Variants in RBM26 observed in about 807,000 individuals in gnomAD.
RBM26 encodes the protein RNA binding motif protein 26.
In RBM26, 30 loss-of-function variants were observed where a neutral mutation model predicts 123.6. The ratio of observed to expected loss-of-function variants is 0.24; its 90% CI spans 0.18 to 0.33. The LOEUF is 0.33. Ranked by LOEUF, RBM26 falls within the 10% of genes least tolerant of loss-of-function variation. RBM26 has a pLI of 1.00. For missense variants in RBM26, 947 were observed against 1,203.6 expected, an observed-to-expected ratio of 0.79 and a Z score of 3.15; for synonymous variants, 400 against 404.4, an observed-to-expected ratio of 0.99 and a Z score of 0.13.
At chr13:79,347,235 G>T (rs564377140) in intron 14 of RBM26, among the ~76,000 whole-genome samples, 84 of 151,604 alleles carry the variant, frequency 5.5e-4, no homozygotes, top group African/African-American at 2.0e-3. Context: ...CCACGAATGT[G>T]ACTCACTAAG....
At chr13:79,395,458 G>T (rs530911546) in intron 1 of RBM26, among the ~76,000 whole-genome samples, 1 of 152,242 alleles carries the variant, frequency 6.6e-6, no homozygotes, top group East Asian at 1.9e-4. Flanking sequence ...TAGTGAACTT[G>T]AAAACAGGAA....
intron 1 of RBM26, among the ~76,000 whole-genome samples, chr13:79,395,959 C>T (rs112930428): frequency 3.2e-4 from 48 of 151,992 alleles, no homozygotes; most frequent in African/African-American, 1.1e-3. Context: ...TTTCCAAAAC[C>T]GATGAAAGAC....
At chr13:79,345,827 C>A (rs967225341) in intron 14 of RBM26, among the ~76,000 whole-genome samples, 8 of 152,038 alleles carry the variant, frequency 5.3e-5, no homozygotes, top group African/African-American at 1.9e-4. Flanking sequence ...GAGTGGACAA[C>A]CTTTTCTATA....
rs745441016 is a variant in RBM26 at position 79,378,140 on chromosome 13, T to C, written c.191-625A>G. Among the ~76,000 whole-genome samples, 32 of 152,258 alleles carry C rather than the reference T, an allele frequency of 2.1e-4. 1 individual carries two copies. Among genetic ancestry groups the C allele is most frequent in the East Asian group, 5.8e-4 (3 of 5,180 alleles). On this transcript the variant is annotated intron_variant, in intron 2 of 21. Transcript: ENST00000438737. ...AGTGTTGCAAACACAAACACTATCATAATCTAGATGTGGCAAGGTACAAAA... is the reference window on the plus strand; with the variant it reads ...AGTGTTGCAAACACAAACACTATCACAATCTAGATGTGGCAAGGTACAAAA...
downstream of RBM26, among the ~76,000 whole-genome samples, chr13:79,317,585 G>A (rs192559002): frequency 1.3e-5 from 2 of 151,662 alleles, no homozygotes; most frequent in African/African-American, 4.8e-5. Flanking sequence ...GACTAGACTG[G>A]TGGCTCTTAG....
Position 79,337,131 on chromosome 13 carries a change from C to A in RBM26, c.2704G>T (p.Asp902Tyr). 6.2e-7 allele frequency: 1 copy of A among 1,614,020 alleles called. No homozygotes were observed. Among genetic ancestry groups the A allele is most frequent in the Non-Finnish European group, 8.5e-7 (1 of 1,179,988 alleles). The change falls in exon 19 of 22, where the codon GAT (aspartate) becomes TAT (tyrosine). Residue 902 changes from aspartate to tyrosine, a missense_variant. Physicochemically the swap from Asp to Tyr is radical, Grantham distance 160. Coordinates refer to ENST00000438737, the MANE Select transcript of RBM26 (RefSeq NM_001366735.2). ...AAATGAGGAAGAAGATCTTCTCTAT[C>A]GCTCTCCGTAAATGCAGAAATCTCC... ...ALEISAFTESDREDLLPHFAQ... is the reference protein window; with the variant it reads ...ALEISAFTESYREDLLPHFAQ...
At chr13:79,366,993 A>T in intron 6 of RBM26, 121 bp from the exon 7 acceptor site, 1 of 816,878 alleles carries the variant, frequency 1.2e-6, no homozygotes, top group Non-Finnish European at 1.8e-6. Flanking sequence ...CAAAAGTATA[A>T]TTAACCATTT....
intron 9 of RBM26, among the ~76,000 whole-genome samples, chr13:79,361,413 T>C (rs1264718609): frequency 6.6e-6 from 1 of 152,122 alleles, no homozygotes; most frequent in Non-Finnish European, 1.5e-5. Context: ...AGCAACAACA[T>C]CTCTCTCCAT....
chr13:79,393,195 A>C (rs146551823), intron 1 of RBM26, among the ~76,000 whole-genome samples: 1 of 152,330 alleles, frequency 6.6e-6, no homozygotes, highest in South Asian at 2.1e-4. Flanking sequence ...TGGGTGGGTT[A>C]CCATTCAAAA....
At chr13:79,358,138 C>T (rs2074255310) in intron 11 of RBM26, 136 bp downstream of exon 11, 3 of 700,256 alleles carry the variant, frequency 4.3e-6, no homozygotes, top group South Asian at 5.4e-5. Context: ...CCGCCTTGGC[C>T]TCCCAAAGTG....
At chr13:79,317,585 G>C (rs192559002), downstream of RBM26, among the ~76,000 whole-genome samples, 112 of 151,780 alleles carry the variant, frequency 7.4e-4, no homozygotes, top group African/African-American at 2.2e-3. Flanking sequence ...GACTAGACTG[G>C]TGGCTCTTAG....
chr13:79,360,602 C>A (rs921528546), intron 9 of RBM26, among the ~76,000 whole-genome samples: 2 of 151,884 alleles, frequency 1.3e-5, no homozygotes, highest in Admixed American at 6.6e-5. Flanking sequence ...TTACACTAAT[C>A]CAATAATCTT....
chr13:79,397,491 C>T (rs1287822209), intron 1 of RBM26, among the ~76,000 whole-genome samples: 1 of 150,698 alleles, frequency 6.6e-6, no homozygotes, highest in Non-Finnish European at 1.5e-5. Context: ...CTGGCTAACA[C>T]GATGAAACCC....
chr13:79,340,816 TTATTA>T (rs1246600337), intron 18 of RBM26, among the ~76,000 whole-genome samples: 1 of 151,934 alleles, frequency 6.6e-6, no homozygotes, highest in African/African-American at 2.4e-5. Context: ...TGAAAAGACT[TTATTA>T]TAAGTTTTCT....
intron 1 of RBM26, among the ~76,000 whole-genome samples, chr13:79,400,984 G>T (rs532528699): frequency 6.6e-6 from 1 of 152,214 alleles, no homozygotes; most frequent in East Asian, 1.9e-4. Flanking sequence ...GACTAGAAGC[G>T]TTTTATCTTT....
At chr13:79,348,543 A>G (rs1198306025) in intron 14 of RBM26, among the ~76,000 whole-genome samples, 1 of 152,164 alleles carries the variant, frequency 6.6e-6, no homozygotes, top group East Asian at 1.9e-4. Context: ...AAATACAAAT[A>G]TAGTTATGAT....
At chr13:79,380,246 A>G (rs1290338232) in intron 1 of RBM26, among the ~76,000 whole-genome samples, 1 of 152,172 alleles carries the variant, frequency 6.6e-6, no homozygotes. Flanking sequence ...ACACAAAAGA[A>G]TGACATGTAG....
Position 79,370,979 on chromosome 13 carries a change from G to A in RBM26, c.600C>T (p.Ser200=), listed in dbSNP as rs1248386118. ...ERLRERDRDR[S]RTRSRSRTRS... is the part of the protein sequence containing the mutation. ...GTGTTCTGCTTCTGCTTCTAGTCCT[G>A]CTTCTATCTCTGTCCCTCTCACGAA... Residue 200 remains serine (S), a synonymous_variant, in exon 5 of 22, where the codon AGC becomes AGT. Transcript: ENST00000438737. The A allele has an allele frequency of 6.3e-7, 1 of 1,592,178 alleles. No homozygotes were observed. Among genetic ancestry groups the A allele is most frequent in the East Asian group, 2.2e-5 (1 of 44,760 alleles).
intron 17 of RBM26, 61 bp from the exon 18 acceptor site, chr13:79,341,288 C>T: frequency 1.9e-6 from 2 of 1,073,574 alleles, no homozygotes; most frequent in Non-Finnish European, 2.7e-6. Context: ...TGATACAAAC[C>T]TTTTTAAAGT....
Sources: gnomAD v4.1 joint callset for allele counts (sites outside exome capture counted in the v4.1 genomes callset) on GRCh38, gnomAD v4.1.1 for gene constraint, MANE v1.5 for transcripts, NCBI Gene and HGNC (gene_info 2026-07-23, HGNC 2026-07-21) for gene names.